DGKI: variants seen among roughly 807,000 people sequenced by gnomAD.
DGKI encodes the protein DAG kinase iota.
DGKI carries 55 observed loss-of-function variants against 147.5 expected under a neutral mutation model. The ratio of observed to expected loss-of-function variants is 0.37; its 90% CI spans 0.30 to 0.47. DGKI has a LOEUF of 0.47. Ranked by LOEUF, DGKI falls within the 20% of genes least tolerant of loss-of-function variation. The pLI is 1.00. For synonymous variants in DGKI, 469 were observed against 477.1 expected (o/e 0.98, Z 0.22); for missense variants, 1,007 against 1,323.8 (o/e 0.76, Z 3.71).
chr7:137,533,317 A>C (rs1454266540), intron 20 of DGKI, among the ~76,000 whole-genome samples: 1 of 152,106 alleles, frequency 6.6e-6, no homozygotes, highest in Non-Finnish European at 1.5e-5. Context: ...TATATAAAAT[A>C]AATTACTTGG....
chr7:137,599,938 T>C (rs372505228), intron 10 of DGKI, 33 bp from the exon 11 acceptor site: 28 of 1,548,144 alleles, frequency 1.8e-5, no homozygotes, highest in Non-Finnish European at 2.4e-5. Flanking sequence ...AAGGCAATAA[T>C]AGGAAGAAAT....
chr7:137,624,650 G>A (rs1386489439), intron 6 of DGKI, among the ~76,000 whole-genome samples: 1 of 151,918 alleles, frequency 6.6e-6, no homozygotes, highest in Non-Finnish European at 1.5e-5. Context: ...TGTAGCCCAG[G>A]CTGGAGTGCA....
intron 1 of DGKI, among the ~76,000 whole-genome samples, chr7:137,746,684 G>C (rs1795346049): frequency 6.6e-6 from 1 of 152,158 alleles, no homozygotes; most frequent in South Asian, 2.1e-4. Context: ...ACCGAGCTAA[G>C]AACTAGCAGA....
intron 3 of DGKI, among the ~76,000 whole-genome samples, chr7:137,672,340 A>G (rs1221815620): frequency 2.0e-5 from 3 of 152,316 alleles, no homozygotes; most frequent in East Asian, 3.9e-4. Flanking sequence ...ACTCTTCTTT[A>G]TCTTTAGGTA....
intron 1 of DGKI, among the ~76,000 whole-genome samples, chr7:137,737,590 T>C (rs1053077459): frequency 6.6e-6 from 1 of 151,924 alleles, no homozygotes; most frequent in Non-Finnish European, 1.5e-5. Flanking sequence ...ACCCAGAACC[T>C]CTTACTTGAG....
At chr7:137,830,192 T>C (rs1798177534) in intron 1 of DGKI, among the ~76,000 whole-genome samples, 3 of 152,226 alleles carry the variant, frequency 2.0e-5, no homozygotes, top group Non-Finnish European at 2.9e-5. Context: ...GTCTGGATAT[T>C]CAACTTTTGG....
chr7:137,629,224 GA>G (rs10537666), intron 6 of DGKI, among the ~76,000 whole-genome samples: 5,485 of 140,356 alleles, frequency 0.039, 93 homozygotes, highest in Non-Finnish European at 0.044. Context: ...TATGATTTTT[GA>G]AAAAAAAAAA....
At chr7:137,428,136 G>A (rs1812899629) in intron 28 of DGKI, among the ~76,000 whole-genome samples, 1 of 143,308 alleles carries the variant, frequency 7.0e-6, no homozygotes, top group Non-Finnish European at 1.5e-5. Flanking sequence ...GATGAACATT[G>A]ATGCAAAAAT....
At chr7:137,455,850 C>G (rs774887614) in intron 27 of DGKI, among the ~76,000 whole-genome samples, 1 of 152,160 alleles carries the variant, frequency 6.6e-6, no homozygotes, top group Non-Finnish European at 1.5e-5. Flanking sequence ...TTCCTCAACT[C>G]CACACTGAAC....
intron 1 of DGKI, among the ~76,000 whole-genome samples, chr7:137,770,113 C>T (rs561388073): frequency 2.0e-5 from 3 of 152,258 alleles, no homozygotes; most frequent in African/African-American, 4.8e-5. Context: ...GAAAATGTGG[C>T]ACATATACAC....
In DGKI at chr7:137,760,686, C is replaced by A. The variant is rs73729027; in HGVS notation, c.402-70684G>T. 4.2e-3 allele frequency among the ~76,000 whole-genome samples: 637 copies of A among 152,250 alleles called. 5 individuals carry two copies. The highest frequency in any genetic ancestry group is 0.015 in the African/African-American group (614 of 41,534). On this transcript the variant is annotated intron_variant, in intron 1 of 32. Transcript: ENST00000614521. ...CCAGAAGGGGGAAGTCCAATAGGAA[C>A]CATTTCGGTTGGCAAAAAGAAGCTG...
chr7:137,653,491 T>A (rs542411051), intron 5 of DGKI, among the ~76,000 whole-genome samples: 30 of 152,340 alleles, frequency 2.0e-4, no homozygotes, highest in African/African-American at 5.8e-4. Flanking sequence ...GCTCTTGCTA[T>A]CTCAGATCTC....
chr7:137,449,322 A>G lies in DGKI; in HGVS notation c.2736-5220T>C, dbSNP rs551817725. On this transcript the variant is annotated intron_variant, in intron 27 of 32. Coordinates refer to ENST00000614521, the MANE Select transcript of DGKI (RefSeq NM_001321708.2). ...ACAATGGAACAGGATAGAGAGCCGG[A>G]AAATAAATCTACATGTTTATAGCCA... 1.8e-4 allele frequency among the ~76,000 whole-genome samples: 27 copies of G among 152,356 alleles called. No homozygotes were observed. The South Asian group carries it at 5.6e-3, about 32-fold the overall frequency.
At chr7:137,474,688 C>T (rs1563041784) in intron 23 of DGKI, among the ~76,000 whole-genome samples, 1 of 152,100 alleles carries the variant, frequency 6.6e-6, no homozygotes, top group Non-Finnish European at 1.5e-5. Context: ...ATGTTCCTGT[C>T]CTTGAGGTGT....
chr7:137,569,622 G>A (rs891479313), intron 19 of DGKI, among the ~76,000 whole-genome samples: 133 of 150,746 alleles, frequency 8.8e-4, no homozygotes, highest in Middle Eastern at 3.4e-3. Context: ...CCAGCTACTC[G>A]GGAGGCTGAG....
At chr7:137,526,297 T>C (rs1817142786) in intron 20 of DGKI, among the ~76,000 whole-genome samples, 1 of 151,998 alleles carries the variant, frequency 6.6e-6, no homozygotes, top group Admixed American at 6.6e-5. Context: ...GATCAGGGGT[T>C]CTAAACCCGG....
rs540412309 is a variant in DGKI at position 137,470,611 on chromosome 7, A to G, written c.2374-992T>C. On this transcript the variant is annotated intron_variant, in intron 23 of 32. Coordinates refer to ENST00000614521, the MANE Select transcript of DGKI (RefSeq NM_001321708.2). ...CAGGCTGTCTTCCAGGCTGTCTTCC[A>G]GGCTGGAGTGCAGTGGTGTGATCAT... is the stretch of plus-strand genomic sequence containing the variant. Among the ~76,000 whole-genome samples the G allele has an allele frequency of 5.6e-3, 855 of 152,174 alleles. 7 individuals carry two copies. Among genetic ancestry groups the G allele is most frequent in the African/African-American group, 0.02 (816 of 41,502 alleles).
chr7:137,637,930 G>A (rs1387161333), intron 6 of DGKI, among the ~76,000 whole-genome samples: 2 of 151,992 alleles, frequency 1.3e-5, no homozygotes, highest in Non-Finnish European at 2.9e-5. Context: ...TACACCTGGG[G>A]CAAAGACTGA....
intron 1 of DGKI, among the ~76,000 whole-genome samples, chr7:137,694,615 T>C (rs1354944223): frequency 6.6e-6 from 1 of 152,196 alleles, no homozygotes; most frequent in East Asian, 1.9e-4. Flanking sequence ...ACTGGTGAAC[T>C]CATCCTGTTG....
Sources: gnomAD v4.1 joint callset for allele counts (sites outside exome capture counted in the v4.1 genomes callset) on GRCh38, gnomAD v4.1.1 for gene constraint, MANE v1.5 for transcripts, NCBI Gene and HGNC (gene_info 2026-07-23, HGNC 2026-07-21) for gene names.